Variants in CHRM3 observed in about 807,000 individuals in gnomAD.
CHRM3 encodes cholinergic receptor muscarinic 3, also known as muscarinic acetylcholine receptor M3.
In CHRM3, 11 loss-of-function variants were observed where a neutral mutation model predicts 41.8. The ratio of observed to expected loss-of-function variants is 0.26; its 90% CI spans 0.17 to 0.44. The LOEUF is 0.44. Among genes scored for constraint, CHRM3 ranks in the 20% least tolerant of loss-of-function variants. CHRM3 has a pLI of 1.00. For missense variants in CHRM3, 571 were observed against 745.4 expected (o/e 0.77, Z 2.72); for synonymous variants, 297 against 301.4 (o/e 0.99, Z 0.15).
rs1680442633 is a variant in CHRM3, at chr1:239,912,870, C to G, written c.*3646C>G. 6.0e-6 allele frequency: 1 copy of G among 167,022 alleles called. No homozygotes were observed. Among genetic ancestry groups the G allele is most frequent in the Non-Finnish European group, 1.5e-5 (1 of 68,104 alleles). The allele number at this position is 167,022 out of a possible 1,614,324, so 10.3% of individuals were successfully genotyped here. A position where few individuals can be genotyped will look rare whatever the true frequency, so the allele number is the denominator to read the frequency against. ...GAAGCAATGAATTTAGGATGAGGAA[C>G]CTGAAGTTTCTGGACCAGTTTGGTC... On this transcript the variant is annotated 3_prime_UTR_variant, in exon 7 of 7. Transcript: ENST00000676153.
At position 239,907,823 on chromosome 1, in the gene CHRM3, G is replaced by T; in HGVS notation, c.372G>T (p.Leu124=). ...DLIIGVISMN[L]FTTYIIMNRW... is the part of the protein sequence containing the mutation. ...TTATCGGGGTCATTTCAATGAATCTGTTTACGACCTACATCATCATGAATC... is the reference window on the plus strand; with the variant it reads ...TTATCGGGGTCATTTCAATGAATCTTTTTACGACCTACATCATCATGAATC... The change falls in exon 7 of 7, where the codon CTG becomes CTT. Residue 124 remains leucine, a synonymous_variant. Transcript: ENST00000676153. This position sits in a 1 kb window ranked among gnomAD's most constrained non-coding sequence, Gnocchi z 5.4. 6.2e-7 allele frequency: 1 copy of T among 1,614,200 alleles called. No individual in the cohort carries two copies. The highest frequency in any genetic ancestry group is 8.5e-7 in the Non-Finnish European group (1 of 1,180,050).
At chr1:239,776,901 TC>T (rs1418658291) in intron 5 of CHRM3, among the ~76,000 whole-genome samples, 1 of 152,102 alleles carries the variant, frequency 6.6e-6, no homozygotes. Context: ...TTGTAAGAAC[TC>T]ACTCACTATC....
At chr1:239,859,939 C>T (rs909817052) in intron 6 of CHRM3, among the ~76,000 whole-genome samples, 4 of 150,914 alleles carry the variant, frequency 2.7e-5, no homozygotes, top group Non-Finnish European at 5.9e-5. Context: ...AGAGAACAAG[C>T]ATGTCCCCAG....
intron 4 of CHRM3, among the ~76,000 whole-genome samples, chr1:239,651,146 A>G (rs550172004): frequency 1.3e-5 from 2 of 152,312 alleles, no homozygotes; most frequent in Admixed American, 6.5e-5. Flanking sequence ...GGAGATCCCT[A>G]TCTTAGAAAA....
In CHRM3 at chr1:239,909,154, G is replaced by A; in HGVS notation, c.1703G>A (p.Arg568Lys). Reference protein sequence around the residue: ...LLLCQCDKKKRRKQQYQQRQS... With the variant: ...LLLCQCDKKKKRKQQYQQRQS... ...CTGTGCCAGTGTGACAAAAAAAAGAGGCGCAAGCAGCAGTACCAGCAGAGA... is the reference window on the plus strand; with the variant it reads ...CTGTGCCAGTGTGACAAAAAAAAGAAGCGCAAGCAGCAGTACCAGCAGAGA... Residue 568 changes from arginine to lysine, a missense_variant, in exon 7 of 7, where the codon AGG (arginine) becomes AAG (lysine). Around this residue, in one of 5 missense-constraint regions of CHRM3, gnomAD observed 44 missense variants for 39.7 expected, o/e 1.11. Transcript: ENST00000676153. The A allele has an allele frequency of 2.5e-6, 4 of 1,614,058 alleles. No individual in the cohort carries two copies. The highest frequency in any genetic ancestry group is 3.4e-6 in the Non-Finnish European group (4 of 1,180,018).
At chr1:239,549,862 A>G (rs1197693490) in intron 3 of CHRM3, among the ~76,000 whole-genome samples, 1 of 151,850 alleles carries the variant, frequency 6.6e-6, no homozygotes, top group Non-Finnish European at 1.5e-5. Flanking sequence ...AATAGATGAA[A>G]TCTTTACTAC....
intron 5 of CHRM3, among the ~76,000 whole-genome samples, chr1:239,747,802 C>T (rs1038328790): frequency 4.6e-5 from 7 of 152,088 alleles, no homozygotes; most frequent in African/African-American, 1.2e-4. Context: ...AAGACCAAGG[C>T]GGACCAATCA....
chr1:239,603,430 C>T (rs1244386257), intron 3 of CHRM3, among the ~76,000 whole-genome samples: 1 of 152,042 alleles, frequency 6.6e-6, no homozygotes, highest in Non-Finnish European at 1.5e-5. Flanking sequence ...GATTCTGTGG[C>T]CTTGGATAAA....
intron 4 of CHRM3, among the ~76,000 whole-genome samples, chr1:239,643,814 A>T (rs1420596335): frequency 1.3e-5 from 2 of 152,182 alleles, no homozygotes; most frequent in African/African-American, 4.8e-5. Context: ...TAGTGAGATG[A>T]ACCCGGGACC....
intron 5 of CHRM3, among the ~76,000 whole-genome samples, chr1:239,702,121 A>AT (rs1660740189): frequency 6.6e-6 from 1 of 152,216 alleles, no homozygotes; most frequent in Non-Finnish European, 1.5e-5. Flanking sequence ...CTCAAATAGC[A>AT]TTAAACAGAT....
At chr1:239,627,542 AT>A (rs1167862668) in intron 3 of CHRM3, among the ~76,000 whole-genome samples, 1 of 111,774 alleles carries the variant, frequency 8.9e-6, no homozygotes, top group Non-Finnish European at 1.8e-5. Context: ...TGATCCTGTC[AT>A]TATGATGTTA....
chr1:239,815,028 G>C (rs890585525), intron 5 of CHRM3, among the ~76,000 whole-genome samples: 5 of 152,088 alleles, frequency 3.3e-5, no homozygotes, highest in Non-Finnish European at 7.4e-5. Context: ...CACCTGCCTC[G>C]GCCTCCCAAA....
chr1:239,560,154 A>G (rs890840513), intron 3 of CHRM3, among the ~76,000 whole-genome samples: 16 of 152,236 alleles, frequency 1.1e-4, no homozygotes, highest in African/African-American at 3.6e-4. Flanking sequence ...ACCACTATTT[A>G]GGCAAATTAA....
chr1:239,576,574 C>T (rs1236813497), intron 3 of CHRM3, among the ~76,000 whole-genome samples: 1 of 130,456 alleles, frequency 7.7e-6, no homozygotes, highest in Non-Finnish European at 1.7e-5. Context: ...AACATCATCT[C>T]TACACACACA....
intron 6 of CHRM3, among the ~76,000 whole-genome samples, chr1:239,906,120 A>G: frequency 6.6e-6 from 1 of 152,270 alleles, no homozygotes; most frequent in African/African-American, 2.4e-5. Context: ...ACAGATTTGA[A>G]CCTAGGCCTT....
chr1:239,760,090 AT>A (rs66496252), intron 5 of CHRM3, among the ~76,000 whole-genome samples: 7,551 of 142,932 alleles, frequency 0.053, 295 homozygotes, highest in South Asian at 0.092. Flanking sequence ...AATTTTTTGT[AT>A]TTTTTTTTTT....
intron 1 of CHRM3, among the ~76,000 whole-genome samples, chr1:239,445,782 G>A (rs1664080315): frequency 6.6e-6 from 1 of 152,128 alleles, no homozygotes; most frequent in African/African-American, 2.4e-5. Context: ...CAGTTAATAT[G>A]AATGCTATCT....
chr1:239,711,067 G>A (rs763245925), intron 5 of CHRM3, among the ~76,000 whole-genome samples: 3 of 152,146 alleles, frequency 2.0e-5, no homozygotes, highest in Non-Finnish European at 2.9e-5. Flanking sequence ...GGTAGCATAA[G>A]TGAGGCCTTC....
At chr1:239,487,269 G>A (rs536709769) in intron 1 of CHRM3, among the ~76,000 whole-genome samples, 73 of 151,934 alleles carry the variant, frequency 4.8e-4, no homozygotes, top group South Asian at 2.3e-3. Flanking sequence ...AATATTATTC[G>A]TTTTTCAAAT....
Sources: gnomAD v4.1 joint callset for allele counts (sites outside exome capture counted in the v4.1 genomes callset) on GRCh38, gnomAD v4.1.1 for gene constraint, gnomAD v4.1.1 regional missense constraint, Gnocchi (gnomAD v3.1) non-coding constraint, MANE v1.5 for transcripts, NCBI Gene and HGNC (gene_info 2026-07-23, HGNC 2026-07-21) for gene names.